DOCK7: variants seen among roughly 807,000 people sequenced by gnomAD.
The protein encoded by DOCK7 is dedicator of cytokinesis 7.
Under a neutral mutation model 271.0 loss-of-function variants are expected in DOCK7, and 138 were observed. The ratio of observed to expected loss-of-function variants is 0.51; its 90% CI spans 0.44 to 0.59. The LOEUF (loss-of-function observed/expected upper bound fraction) is 0.59, where lower values mean the gene tolerates loss of function less well. DOCK7 is among the 20% of genes least tolerant of loss of function. The pLI, the probability that DOCK7 is intolerant of heterozygous loss-of-function variation, is 0.00. For synonymous variants in DOCK7, 823 were observed against 876.1 expected (o/e 0.94, Z 1.07); for missense variants, 2,066 against 2,592.4 (o/e 0.80, Z 4.41).
chr1:62,469,881 G>C (rs1645779337), intron 48 of DOCK7, among the ~76,000 whole-genome samples: 1 of 145,766 alleles, frequency 6.9e-6, no homozygotes, highest in East Asian at 2.0e-4. Context: ...CCTTATTCCT[G>C]CAAGAATGGC....
intron 1 of DOCK7, among the ~76,000 whole-genome samples, chr1:62,670,794 G>A (rs901584419): frequency 6.6e-6 from 1 of 152,190 alleles, no homozygotes; most frequent in African/African-American, 2.4e-5. Context: ...CAGGATGTGG[G>A]TGGGGCCAGA....
intron 31 of DOCK7, among the ~76,000 whole-genome samples, chr1:62,523,212 T>C (rs1227885220): frequency 6.6e-6 from 1 of 152,164 alleles, no homozygotes; most frequent in Non-Finnish European, 1.5e-5. Context: ...TATGTAGATA[T>C]ACAAAGGGCC....
At position 62,542,643 on chromosome 1, in the gene DOCK7, C is replaced by T; in HGVS notation, c.3010G>A (p.Ala1004Thr). The T allele has an allele frequency of 1.2e-6, 2 of 1,612,966 alleles. No homozygotes were observed. The highest frequency in any genetic ancestry group is 2.7e-5 in the African/African-American group (2 of 75,004). The change falls in exon 25 of 50, where the codon GCT becomes ACT. Residue 1004 changes from alanine (A) to threonine (T), a missense_variant. Around this residue, in one of 2 missense-constraint regions of DOCK7, gnomAD observed 1,414 missense variants for 1,670.4 expected, o/e 0.85. Transcript: ENST00000635253. The part of the protein sequence containing the change: ...VVCSGSVRES[A>T]LQQAWFFFEL... ...AAAAAGAACCAGGCTTGTTGCAAAG[C>T]TGATTCCCGAACGCTGCCACTGCAA... is the stretch of plus-strand genomic sequence containing the variant.
chr1:62,626,884 T>A (rs1654019882), intron 11 of DOCK7, among the ~76,000 whole-genome samples: 1 of 152,128 alleles, frequency 6.6e-6, no homozygotes, highest in South Asian at 2.1e-4. Flanking sequence ...TCACAACTCA[T>A]TCTATGAGGC....
At chr1:62,634,678 A>G in intron 9 of DOCK7, 95 bp downstream of exon 9, 1 of 1,277,284 alleles carries the variant, frequency 7.8e-7, no homozygotes, top group Non-Finnish European at 1.1e-6. Context: ...AAAAATATGT[A>G]AAGGTCAAAT....
At chr1:62,624,454 T>C (rs1653679958) in intron 12 of DOCK7, among the ~76,000 whole-genome samples, 2 of 152,314 alleles carry the variant, frequency 1.3e-5, no homozygotes, top group Non-Finnish European at 1.5e-5. Flanking sequence ...GTAAAATATC[T>C]TTGATAGAGA....
In DOCK7 at chr1:62,604,051, G is replaced by C. The variant is rs753849210; in HGVS notation, c.1682+14655C>G. 13 of 1,613,104 alleles carry C rather than the reference G, an allele frequency of 8.1e-6. No homozygotes were observed. In the East Asian group the frequency reaches 2.5e-4, roughly 30 times the overall value. The stretch of plus-strand genomic sequence containing the variant: ...TTTTACGAATTGAGTTGGAAGACTG[G>C]AAAGACAACAAACATTATATTGAAT... On this transcript the variant is annotated intron_variant, in intron 14 of 49. Coordinates refer to ENST00000635253, the MANE Select transcript of DOCK7 (RefSeq NM_001367561.1).
intron 1 of DOCK7, among the ~76,000 whole-genome samples, chr1:62,667,896 T>C (rs1659501734): frequency 6.6e-6 from 1 of 152,068 alleles, no homozygotes; most frequent in South Asian, 2.1e-4. Flanking sequence ...GGCAGGCACC[T>C]GTAATCCCAG....
chr1:62,667,797 T>A (rs1168132), intron 1 of DOCK7, among the ~76,000 whole-genome samples: 88,229 of 152,154 alleles, frequency 0.58, 27,381 homozygotes, highest in East Asian at 0.76. Context: ...GCAGGCGAAC[T>A]GCCTGAGGTC....
At chr1:62,593,271 T>C (rs1272652280) in intron 14 of DOCK7, among the ~76,000 whole-genome samples, 1 of 152,086 alleles carries the variant, frequency 6.6e-6, no homozygotes, top group African/African-American at 2.4e-5. Context: ...ATAAGTACTT[T>C]GCACATTAAA....
Position 62,648,311 on chromosome 1 carries a change from A to G in DOCK7, c.527T>C (p.Leu176Pro), listed in dbSNP as rs756046622. 37 of 1,601,936 alleles carry G rather than the reference A, an allele frequency of 2.3e-5. No homozygotes were observed. Among genetic ancestry groups the G allele is most frequent in the Middle Eastern group, 1.7e-4 (1 of 6,034 alleles). The change falls in exon 6 of 50, where the codon CTT becomes CCT. Residue 176 changes from leucine (L) to proline (P), a missense_variant. Coordinates refer to ENST00000635253, the MANE Select transcript of DOCK7 (RefSeq NM_001367561.1). ...ATCTATTGACATTGAACGTCTTTTA[A>G]GGTCATCCTGTCATGCAAAACATTA... ...GNSYQDDQDD[L>P]KRRSMSIDDT...
intron 1 of DOCK7, among the ~76,000 whole-genome samples, chr1:62,665,368 C>A (rs1416911405): frequency 6.6e-6 from 1 of 152,044 alleles, no homozygotes; most frequent in Non-Finnish European, 1.5e-5. Context: ...ATATCCTGAT[C>A]CTCTCATCGA....
intron 21 of DOCK7, among the ~76,000 whole-genome samples, chr1:62,553,348 ATATATATTTTTTTTTTTTTTTTTTTT>A (rs1375389406): frequency 0.014 from 316 of 22,604 alleles, 7 homozygotes; most frequent in African/African-American, 0.027. Flanking sequence ...ATATATATAT[ATATATATTTTTTTTTTTTTTTTTTTT>A]TTTTTTTTTT....
At chr1:62,483,440 G>A (rs1646197966) in intron 43 of DOCK7, 1 of 151,762 alleles carries the variant, frequency 6.6e-6, no homozygotes. Flanking sequence ...AGTCATCAGG[G>A]AGTCACTAAC....
At chr1:62,510,826 T>C in intron 33 of DOCK7, 153 bp from the exon 34 acceptor site, 1 of 521,384 alleles carries the variant, frequency 1.9e-6, no homozygotes. Context: ...TGGTGCTTTT[T>C]ATTAAAAATT....
In DOCK7 at chr1:62,477,839, G is replaced by A; in HGVS notation, c.5509-14C>T. 7.6e-6 allele frequency: 12 copies of A among 1,580,570 alleles called. No homozygotes were observed. Among genetic ancestry groups the A allele is most frequent in the African/African-American group, 1.4e-5 (1 of 73,686 alleles). On this transcript the variant is annotated splice_polypyrimidine_tract_variant and intron_variant, in intron 43 of 49. Coordinates refer to ENST00000635253, the MANE Select transcript of DOCK7 (RefSeq NM_001367561.1). Reference sequence around the variant, plus strand: ...GCCAAACATCCGCTTACCATCCTAGGTTTAGGAAAATGGAGAAACTTTAAT... The same window carrying A: ...GCCAAACATCCGCTTACCATCCTAGATTTAGGAAAATGGAGAAACTTTAAT...
chr1:62,521,412 A>G (rs1159547045), intron 31 of DOCK7, among the ~76,000 whole-genome samples: 1 of 152,166 alleles, frequency 6.6e-6, no homozygotes, highest in Non-Finnish European at 1.5e-5. Context: ...TGTAAACCCA[A>G]AGAAAGCAGA....
In DOCK7 at chr1:62,639,308, G is replaced by A. The variant is rs200743785; in HGVS notation, c.819-2705C>T. ...AATTAGAGGCCAAGGTGGGAGGATCGCTTGAGGCCAGGAGTTCAAGACCAG... is the reference window on the plus strand; with the variant it reads ...AATTAGAGGCCAAGGTGGGAGGATCACTTGAGGCCAGGAGTTCAAGACCAG... On this transcript the variant is annotated intron_variant, in intron 7 of 49. Coordinates refer to ENST00000635253, the MANE Select transcript of DOCK7 (RefSeq NM_001367561.1). Among the ~76,000 whole-genome samples, 6 of 151,972 alleles carry A rather than the reference G, an allele frequency of 3.9e-5. No individual in the cohort carries two copies. The East Asian group carries it at 7.7e-4, about 20-fold the overall frequency.
chr1:62,601,109 A>T (rs1332611138), intron 14 of DOCK7: 1 of 1,608,292 alleles, frequency 6.2e-7, no homozygotes, highest in Non-Finnish European at 8.5e-7. Flanking sequence ...TCAAGAACCC[A>T]CAGAAATTTC....
Sources: allele counts gnomAD v4.1 joint callset (sites outside exome capture counted in the v4.1 genomes callset), GRCh38; gene constraint gnomAD v4.1.1; regional missense constraint gnomAD v4.1.1; transcripts MANE v1.5; gene names NCBI Gene and HGNC (gene_info 2026-07-23, HGNC 2026-07-21).